The following ENAH variants were observed in gnomAD, a reference collection of about 807,000 sequenced individuals.
The protein encoded by ENAH is protein enabled homolog.
In ENAH, 23 loss-of-function variants were observed where a neutral mutation model predicts 78.7. The observed-to-expected ratio is 0.29, with a 90% confidence interval of 0.21 to 0.41. The LOEUF is 0.41. ENAH is among the 10% of genes least tolerant of loss of function. The pLI is 1.00. For missense variants in ENAH, 544 were observed against 691.0 expected (o/e 0.79, Z 2.39); for synonymous variants, 226 against 241.0 (o/e 0.94, Z 0.58).
At chr1:225,638,581 T>C (rs1558947643) in intron 1 of ENAH, among the ~76,000 whole-genome samples, 1 of 152,226 alleles carries the variant, frequency 6.6e-6, no homozygotes, top group Non-Finnish European at 1.5e-5. Context: ...TGGGTCATTT[T>C]ACTTACTTTG....
At chr1:225,650,865 A>G (rs1055697312) in intron 1 of ENAH, among the ~76,000 whole-genome samples, 2 of 150,182 alleles carry the variant, frequency 1.3e-5, no homozygotes, top group African/African-American at 4.9e-5. Flanking sequence ...AAAAAAAAAA[A>G]AAAAAAAAAA....
chr1:225,640,151 C>T (rs1660775211), intron 1 of ENAH, among the ~76,000 whole-genome samples: 1 of 152,122 alleles, frequency 6.6e-6, no homozygotes, highest in African/African-American at 2.4e-5. Flanking sequence ...GATCATACTG[C>T]AAAAGTCCAT....
intron 7 of ENAH, among the ~76,000 whole-genome samples, chr1:225,513,347 C>A (rs987204345): frequency 1.3e-5 from 2 of 151,948 alleles, no homozygotes; most frequent in Admixed American, 1.3e-4. Context: ...ATCAGATAAG[C>A]CAAAGTGAAG....
Position 225,522,493 on chromosome 1 carries a change from C to T in ENAH, c.435-2928G>A, listed in dbSNP as rs372992301. 1.3e-3 allele frequency among the ~76,000 whole-genome samples: 200 copies of T among 152,106 alleles called. 1 individual carries two copies. Among genetic ancestry groups the T allele is most frequent in the African/African-American group, 4.6e-3 (192 of 41,458 alleles). ...AAAATCAGATTTTCAGGATCTAGTA[C>T]GGACTTCATTATGCTATTTGATAAA... On this transcript the variant is annotated intron_variant, in intron 4 of 13. Coordinates refer to ENST00000366843, the MANE Select transcript of ENAH (RefSeq NM_018212.6).
At chr1:225,581,892 A>T (rs1222289130) in intron 1 of ENAH, among the ~76,000 whole-genome samples, 5 of 148,494 alleles carry the variant, frequency 3.4e-5, no homozygotes, top group Non-Finnish European at 7.4e-5. Context: ...TAGAGATGGG[A>T]TCTCCCTATC....
At chr1:225,585,742 C>T (rs1220218078) in intron 1 of ENAH, among the ~76,000 whole-genome samples, 1 of 151,678 alleles carries the variant, frequency 6.6e-6, no homozygotes, top group Non-Finnish European at 1.5e-5. Context: ...TGAAGCATGT[C>T]TGTACCACTG....
chr1:225,634,198 C>T (rs1237313590), intron 1 of ENAH, among the ~76,000 whole-genome samples: 1 of 152,112 alleles, frequency 6.6e-6, no homozygotes, highest in East Asian at 1.9e-4. Context: ...CTATTAAAGT[C>T]TAAGCAACCA....
intron 1 of ENAH, among the ~76,000 whole-genome samples, chr1:225,642,926 A>G (rs189518396): frequency 6.6e-6 from 1 of 152,346 alleles, no homozygotes; most frequent in Non-Finnish European, 1.5e-5. Flanking sequence ...GCAAAGATTA[A>G]AAGACCGATA....
intron 1 of ENAH, among the ~76,000 whole-genome samples, chr1:225,594,555 A>G (rs1199809189): frequency 1.3e-5 from 2 of 152,178 alleles, no homozygotes; most frequent in Admixed American, 6.5e-5. Flanking sequence ...CTACCACGGC[A>G]TGATCCTCAC....
rs944160322 is a variant in ENAH, at chr1:225,618,828, A to G, written c.5+33858T>C. ...AAAAAATTCCAAAGGATTCTACTCT[A>G]TACTAAATTACATTGCGTTACATGC... On this transcript the variant is annotated intron_variant, in intron 1 of 13. Transcript: ENST00000366843. Among the ~76,000 whole-genome samples, 13 of 152,316 alleles carry G rather than the reference A, an allele frequency of 8.5e-5. No homozygotes were observed. The South Asian group carries it at 2.5e-3, about 29-fold the overall frequency.
At chr1:225,603,725 T>C (rs1382133041) in intron 1 of ENAH, among the ~76,000 whole-genome samples, 4 of 152,156 alleles carry the variant, frequency 2.6e-5, no homozygotes, top group African/African-American at 9.6e-5. Context: ...TGTGAAAAAG[T>C]ACATTAAGAA....
intron 3 of ENAH, among the ~76,000 whole-genome samples, chr1:225,534,846 T>C (rs1273755669): frequency 6.6e-6 from 1 of 152,160 alleles, no homozygotes. Context: ...TAGATATATA[T>C]CTTATTCTCT....
intron 10 of ENAH, among the ~76,000 whole-genome samples, chr1:225,509,423 T>C (rs2151096263): frequency 6.6e-6 from 1 of 152,292 alleles, no homozygotes; most frequent in African/African-American, 2.4e-5. Flanking sequence ...CAGAACTATC[T>C]TTTAGTCTTA....
intron 1 of ENAH, among the ~76,000 whole-genome samples, chr1:225,578,672 G>A (rs890517626): frequency 2.0e-5 from 3 of 152,034 alleles, no homozygotes; most frequent in Admixed American, 6.6e-5. Context: ...TAAAGCAAAC[G>A]TTACTTGGAA....
At chr1:225,506,752 ACAATTGTGT>A (rs983862309) in intron 11 of ENAH, among the ~76,000 whole-genome samples, 2 of 152,208 alleles carry the variant, frequency 1.3e-5, no homozygotes, top group Non-Finnish European at 2.9e-5. Context: ...TGGAGCTTAA[ACAATTGTGT>A]CACTACCAAA....
At chr1:225,601,521 G>A (rs571822488) in intron 1 of ENAH, among the ~76,000 whole-genome samples, 2 of 135,534 alleles carry the variant, frequency 1.5e-5, no homozygotes, top group African/African-American at 2.7e-5. Context: ...CCATCTCCCC[G>A]CCAAAAAAAA....
intron 1 of ENAH, among the ~76,000 whole-genome samples, chr1:225,625,560 T>C (rs1344728909): frequency 2.0e-5 from 3 of 152,210 alleles, no homozygotes; most frequent in Non-Finnish European, 2.9e-5. Context: ...TTCGCTCTTG[T>C]TGCCCAGGCT....
intron 12 of ENAH, 122 bp downstream of exon 12, chr1:225,500,870 G>A: frequency 1.1e-6 from 1 of 905,386 alleles, no homozygotes. Flanking sequence ...TGTTTAATTT[G>A]TATAACAATA....
intron 2 of ENAH, among the ~76,000 whole-genome samples, chr1:225,562,571 C>CAAA (rs869309795): frequency 0.013 from 496 of 38,114 alleles, 68 homozygotes; most frequent in East Asian, 0.063. Flanking sequence ...GACTGCGTCT[C>CAAA]AAAAAAAAAA....
Sources: allele counts gnomAD v4.1 joint callset (sites outside exome capture counted in the v4.1 genomes callset), GRCh38; gene constraint gnomAD v4.1.1; transcripts MANE v1.5; gene names NCBI Gene and HGNC (gene_info 2026-07-23, HGNC 2026-07-21).